The following SYNPR variants were observed in gnomAD, a reference collection of about 807,000 sequenced individuals.
The protein encoded by SYNPR is synaptoporin.
A neutral mutation model predicts 32.9 loss-of-function variants in SYNPR; 23 were observed. The observed-to-expected ratio is 0.70, with a 90% CI of 0.50 to 0.99. The LOEUF (loss-of-function observed/expected upper bound fraction) is 0.99, where lower values mean the gene tolerates loss of function less well. SYNPR is among the 50% of genes least tolerant of loss of function. The pLI, the probability that SYNPR is intolerant of heterozygous loss-of-function variation, is 0.00. For missense variants in SYNPR, 318 were observed against 349.3 expected, an observed-to-expected ratio of 0.91 and a Z score of 0.71; for synonymous variants, 146 against 135.9, an observed-to-expected ratio of 1.07 and a Z score of -0.52.
chr3:63,240,064 T>G (rs1435698110), intron 1 of SYNPR, among the ~76,000 whole-genome samples: 2 of 152,172 alleles, frequency 1.3e-5, no homozygotes, highest in Non-Finnish European at 2.9e-5. Context: ...GGGAGGTTAT[T>G]TGATCTACTG....
At chr3:63,366,633 G>A (rs188970680) in intron 2 of SYNPR, among the ~76,000 whole-genome samples, 3 of 152,268 alleles carry the variant, frequency 2.0e-5, no homozygotes, top group African/African-American at 4.8e-5. Flanking sequence ...AGCTTAGAAA[G>A]TAGGAGATGG....
chr3:63,540,668 C>T (rs966414916), intron 3 of SYNPR, among the ~76,000 whole-genome samples: 1 of 151,946 alleles, frequency 6.6e-6, no homozygotes, highest in African/African-American at 2.4e-5. Flanking sequence ...TGCAGTAAGG[C>T]ATATACAATA....
At chr3:63,256,382 A>T (rs2086383691) in intron 2 of SYNPR, among the ~76,000 whole-genome samples, 1 of 152,188 alleles carries the variant, frequency 6.6e-6, no homozygotes, top group African/African-American at 2.4e-5. Context: ...TTCCAGAGGA[A>T]GGATCAGGCA....
At chr3:63,383,300 A>C (rs905991015) in intron 2 of SYNPR, among the ~76,000 whole-genome samples, 4 of 152,202 alleles carry the variant, frequency 2.6e-5, no homozygotes, top group African/African-American at 7.2e-5. Context: ...AAGAGCATAA[A>C]ATAAGATGCA....
At chr3:63,267,504 C>A (rs1027437165) in intron 3 of SYNPR, 2 of 152,166 alleles carry the variant, frequency 1.3e-5, no homozygotes. Flanking sequence ...AAGAGAAAAT[C>A]TTTTAGGATG....
chr3:63,517,239 C>A (rs2106764947), intron 3 of SYNPR, among the ~76,000 whole-genome samples: 1 of 152,166 alleles, frequency 6.6e-6, no homozygotes, highest in East Asian at 1.9e-4. Flanking sequence ...GCTTTAGAAC[C>A]AATCTTAACT....
At chr3:63,528,939 C>T (rs1268499348) in intron 3 of SYNPR, among the ~76,000 whole-genome samples, 1 of 152,166 alleles carries the variant, frequency 6.6e-6, no homozygotes, top group Non-Finnish European at 1.5e-5. Context: ...AGAATTGACA[C>T]CCAAAAGAAA....
chr3:63,251,865 C>G (rs2086334770), intron 1 of SYNPR, among the ~76,000 whole-genome samples: 2 of 151,614 alleles, frequency 1.3e-5, no homozygotes, highest in South Asian at 2.1e-4. Flanking sequence ...GAAGGAAAAC[C>G]CTGAACTCAC....
At chr3:63,431,011 A>T (rs1199566828) in intron 2 of SYNPR, among the ~76,000 whole-genome samples, 2 of 152,218 alleles carry the variant, frequency 1.3e-5, no homozygotes, top group East Asian at 3.8e-4. Context: ...GCCTTTCAGC[A>T]GAGTGAGATA....
chr3:63,471,420 G>T (rs894580823), intron 2 of SYNPR, among the ~76,000 whole-genome samples: 1 of 152,138 alleles, frequency 6.6e-6, no homozygotes, highest in African/African-American at 2.4e-5. Flanking sequence ...CTGGGTCAAA[G>T]TATTATACAC....
the SYNPR span, among the ~76,000 whole-genome samples, chr3:63,205,027 CCT>C: frequency 3.3e-5 from 5 of 152,244 alleles, no homozygotes; most frequent in East Asian, 9.7e-4. Flanking sequence ...TGTTCCCTCA[CCT>C]CTGTTTCACC....
chr3:63,217,409 T>C, the SYNPR span, among the ~76,000 whole-genome samples: 2 of 57,288 alleles, frequency 3.5e-5, no homozygotes, highest in South Asian at 4.4e-4. Flanking sequence ...TATAGTCTCG[T>C]GGTGCACCGT....
chr3:63,279,797 G>C (rs1045871226), intron 2 of SYNPR, among the ~76,000 whole-genome samples: 1 of 152,134 alleles, frequency 6.6e-6, no homozygotes, highest in Non-Finnish European at 1.5e-5. Flanking sequence ...TTGTTTACAC[G>C]GATGATCTAC....
chr3:63,501,501 AAAAAAAAAAAAAAG>A (rs1217048836), intron 3 of SYNPR, among the ~76,000 whole-genome samples: 1 of 129,248 alleles, frequency 7.7e-6, no homozygotes, highest in Non-Finnish European at 1.7e-5. Context: ...AACCAAAAAA[AAAAAAAAAAAAAAG>A]AAAAGAAAAA....
chr3:63,561,199 A>G (rs554942531), intron 4 of SYNPR, among the ~76,000 whole-genome samples: 1 of 152,296 alleles, frequency 6.6e-6, no homozygotes, highest in East Asian at 1.9e-4. Flanking sequence ...CATCCTGCAC[A>G]AATAAAGTTA....
the SYNPR span, among the ~76,000 whole-genome samples, chr3:63,210,040 C>G: frequency 6.6e-6 from 1 of 151,748 alleles, no homozygotes; most frequent in African/African-American, 2.4e-5. Flanking sequence ...TTTTTCCAAA[C>G]AGGACATTGT....
chr3:63,609,161 T>C lies in SYNPR; in HGVS notation c.445T>C (p.Leu149=). ...CACTGTAGTCTTTTCGTTCTTGTGG[T>C]TGGTGGGTTCATCAGCTTGGGCAAA... ...IVTVVFSFLW[L]VGSSAWAKGL... The change falls in exon 5 of 6, where the codon TTG becomes CTG. Residue 149 remains leucine, a synonymous_variant. Coordinates refer to ENST00000478300, the MANE Select transcript of SYNPR (RefSeq NM_001130003.2). The C allele has an allele frequency of 6.2e-7, 1 of 1,611,158 alleles. No individual in the cohort carries two copies. Among genetic ancestry groups the C allele is most frequent in the Non-Finnish European group, 8.5e-7 (1 of 1,178,590 alleles).
chr3:63,302,697 CAT>C lies in SYNPR; in HGVS notation c.84+23956_84+23957del, dbSNP rs138462292. ...CATTTAATAAATAGCTGCAATTTAA[CAT>C]GTCTTTAAATGTTTGTTTCTCTAAA... On this transcript the variant is annotated intron_variant, in intron 2 of 5. Transcript: ENST00000478300. Among the ~76,000 whole-genome samples, 1,068 of 152,052 alleles carry C rather than the reference CAT, an allele frequency of 7.0e-3. 17 individuals are homozygous for C. Among genetic ancestry groups the C allele is most frequent in the African/African-American group, 0.024 (1,016 of 41,502 alleles).
At chr3:63,561,006 AT>A (rs1346241956) in intron 4 of SYNPR, among the ~76,000 whole-genome samples, 3 of 152,228 alleles carry the variant, frequency 2.0e-5, no homozygotes, top group Non-Finnish European at 4.4e-5. Context: ...TTTAAAAAAA[AT>A]TTATGTAATT....
Sources: allele counts gnomAD v4.1 joint callset (sites outside exome capture counted in the v4.1 genomes callset), GRCh38; gene constraint gnomAD v4.1.1; transcripts MANE v1.5; gene names NCBI Gene and HGNC (gene_info 2026-07-23, HGNC 2026-07-21).